RBM47: variants seen among roughly 807,000 people sequenced by gnomAD.
RBM47 encodes the protein RNA binding motif protein 47, also known as RNA-binding protein 47.
Under a neutral mutation model 47.1 loss-of-function variants are expected in RBM47, and 21 were observed. That is an observed-to-expected ratio of 0.45 (90% confidence interval 0.32 to 0.64). The LOEUF (loss-of-function observed/expected upper bound fraction) is 0.64, where lower values mean the gene tolerates loss of function less well. RBM47 is among the 30% of genes least tolerant of loss of function. The probability of loss-of-function intolerance (pLI) is 0.05; values close to 1 mark genes in which losing one functional copy is unlikely to be tolerated. For synonymous variants in RBM47, 375 were observed against 361.7 expected (o/e 1.04, Z -0.42); for missense variants, 708 against 870.9 (o/e 0.81, Z 2.35).
intron 2 of RBM47, among the ~76,000 whole-genome samples, chr4:40,538,671 C>CTGTT (rs200143595): frequency 1.3e-4 from 20 of 151,708 alleles, no homozygotes; most frequent in African/African-American, 4.6e-4. Context: ...GAGTCTTGCT[C>CTGTT]TGTTGTCCAG....
At chr4:40,612,741 T>C (rs967100576) in intron 1 of RBM47, among the ~76,000 whole-genome samples, 5 of 152,112 alleles carry the variant, frequency 3.3e-5, no homozygotes, top group African/African-American at 1.2e-4. Context: ...TTTGAAGGTA[T>C]CTTATATTCA....
chr4:40,457,887 G>A (rs1411741152), intron 3 of RBM47, among the ~76,000 whole-genome samples: 2 of 152,190 alleles, frequency 1.3e-5, no homozygotes, highest in African/African-American at 4.8e-5. Context: ...GCTGAGGTAG[G>A]TGGATCACCT....
intron 3 of RBM47, among the ~76,000 whole-genome samples, chr4:40,463,679 T>G (rs547028544): frequency 6.6e-6 from 1 of 151,764 alleles, no homozygotes; most frequent in Admixed American, 6.6e-5. Context: ...TGATATTGGC[T>G]AGAGGTGGGG....
intron 2 of RBM47, among the ~76,000 whole-genome samples, chr4:40,509,169 A>T (rs1195283910): frequency 6.7e-6 from 1 of 148,676 alleles, no homozygotes; most frequent in Non-Finnish European, 1.5e-5. Flanking sequence ...CAAAATAAAT[A>T]AATAAATAAA....
intron 3 of RBM47, among the ~76,000 whole-genome samples, chr4:40,439,788 T>G (rs1713339472): frequency 6.6e-6 from 1 of 152,204 alleles, no homozygotes; most frequent in Non-Finnish European, 1.5e-5. Context: ...AACTGCCCCA[T>G]TTCACACAGC....
chr4:40,592,426 C>CT (rs80061075), intron 1 of RBM47, among the ~76,000 whole-genome samples: 5,654 of 137,418 alleles, frequency 0.041, 382 homozygotes, highest in African/African-American at 0.14. Flanking sequence ...TTTTTTTTTT[C>CT]TTTTTTTTTT....
At chr4:40,552,474 G>T (rs376700726) in intron 1 of RBM47, among the ~76,000 whole-genome samples, 1 of 152,116 alleles carries the variant, frequency 6.6e-6, no homozygotes, top group East Asian at 1.9e-4. Flanking sequence ...AACTATTGAC[G>T]TGTTAAAAAT....
At chr4:40,591,728 G>A (rs1374791695) in intron 1 of RBM47, among the ~76,000 whole-genome samples, 4 of 151,940 alleles carry the variant, frequency 2.6e-5, no homozygotes, top group Non-Finnish European at 5.9e-5. Context: ...GAAGATATGT[G>A]GGGAGAATTT....
chr4:40,503,024 T>C (rs184115854), intron 2 of RBM47, among the ~76,000 whole-genome samples: 3 of 149,342 alleles, frequency 2.0e-5, no homozygotes, highest in Non-Finnish European at 4.4e-5. Flanking sequence ...AAGAAAACAG[T>C]TGAATTTGTT....
intron 2 of RBM47, among the ~76,000 whole-genome samples, chr4:40,539,735 G>T (rs867837353): frequency 2.8e-4 from 19 of 67,488 alleles, no homozygotes; most frequent in Non-Finnish European, 3.3e-4. Context: ...GCAAGACTCT[G>T]TCTCAAAAAA....
chr4:40,533,692 G>A (rs1727631251), intron 2 of RBM47, among the ~76,000 whole-genome samples: 1 of 152,060 alleles, frequency 6.6e-6, no homozygotes, highest in East Asian at 1.9e-4. Flanking sequence ...CTAGAGTGCA[G>A]TGGCAAAAAC....
Position 40,426,022 on chromosome 4 carries a change from A to G in RBM47, c.1664T>C (p.Leu555Pro). The G allele has an allele frequency of 6.2e-7, 1 of 1,614,188 alleles. No individual in the cohort carries two copies. The highest frequency in any genetic ancestry group is 8.5e-7 in the Non-Finnish European group (1 of 1,180,034). ...GGCCGCGGCTGCCGCGTTCTTCTGT[A>G]GTGTGGCGATCGTGGCTGTAGCTGG... ...AAPATATIATLQKNAAAAAAM... is the reference protein window; with the variant it reads ...AAPATATIATPQKNAAAAAAM... Residue 555 changes from leucine to proline, a missense_variant, in exon 7 of 7, where the codon CTA becomes CCA. Coordinates refer to ENST00000295971, the MANE Select transcript of RBM47 (RefSeq NM_001098634.2).
chr4:40,586,437 A>G (rs1350965083), intron 1 of RBM47, among the ~76,000 whole-genome samples: 1 of 151,714 alleles, frequency 6.6e-6, no homozygotes, highest in Non-Finnish European at 1.5e-5. Flanking sequence ...AGACTTTTTG[A>G]AAGCAGGCAT....
chr4:40,595,167 T>A (rs2154276057), intron 1 of RBM47, among the ~76,000 whole-genome samples: 1 of 152,302 alleles, frequency 6.6e-6, no homozygotes. Flanking sequence ...ATCTCCATAA[T>A]TCTGGCCTGG....
chr4:40,564,223 G>A (rs549857010), intron 1 of RBM47, among the ~76,000 whole-genome samples: 2 of 152,290 alleles, frequency 1.3e-5, no homozygotes, highest in Non-Finnish European at 2.9e-5. Context: ...ATGATGTGAC[G>A]TGGTCCTGCC....
intron 1 of RBM47, among the ~76,000 whole-genome samples, chr4:40,624,842 ATCTTT>A (rs1249113154): frequency 4.8e-5 from 7 of 145,698 alleles, no homozygotes; most frequent in East Asian, 2.0e-4. Context: ...TATTTAAGCC[ATCTTT>A]TCTTTTCTTT....
chr4:40,576,179 C>T (rs930136107), intron 1 of RBM47, among the ~76,000 whole-genome samples: 1 of 151,748 alleles, frequency 6.6e-6, no homozygotes, highest in Admixed American at 6.6e-5. Context: ...ACATGCTTTC[C>T]CTTATCTTTC....
intron 1 of RBM47, among the ~76,000 whole-genome samples, chr4:40,620,999 GAAAC>G (rs1737215029): frequency 7.7e-6 from 1 of 130,278 alleles, no homozygotes; most frequent in South Asian, 2.4e-4. Flanking sequence ...AATTTAGAAG[GAAAC>G]AAACAAAAAA....
Position 40,425,885 on chromosome 4 carries a change from T to C in RBM47, c.*19A>G. On this transcript the variant is annotated 3_prime_UTR_variant, in exon 7 of 7. Coordinates refer to ENST00000295971, the MANE Select transcript of RBM47 (RefSeq NM_001098634.2). ...TTCAGTGGTGTTTGTGTGGTCTGTC[T>C]TCGTGCTGGTCACCAGCCTCAGTAT... The C allele has an allele frequency of 6.2e-7, 1 of 1,613,256 alleles. No homozygotes were observed. Among genetic ancestry groups the C allele is most frequent in the Non-Finnish European group, 8.5e-7 (1 of 1,179,366 alleles).
Sources: allele counts gnomAD v4.1 joint callset (sites outside exome capture counted in the v4.1 genomes callset), GRCh38; gene constraint gnomAD v4.1.1; transcripts MANE v1.5; gene names NCBI Gene and HGNC (gene_info 2026-07-23, HGNC 2026-07-21).